Variants in LRRC17 observed in about 807,000 individuals in gnomAD.
LRRC17 encodes the protein leucine-rich repeat-containing protein 17.
Under a neutral mutation model 41.5 loss-of-function variants are expected in LRRC17, and 33 were observed. The observed-to-expected ratio is 0.80, with a 90% CI of 0.60 to 1.06. LRRC17 has a LOEUF of 1.06. Ranked by LOEUF, LRRC17 falls within the 50% of genes least tolerant of loss-of-function variation. LRRC17 has a pLI of 0.00. For synonymous variants in LRRC17, 192 were observed against 197.0 expected (o/e 0.97, Z 0.21); for missense variants, 491 against 519.3 (o/e 0.95, Z 0.53).
At chr7:102,922,372 G>T (rs1817222515) in intron 1 of LRRC17, among the ~76,000 whole-genome samples, 1 of 151,898 alleles carries the variant, frequency 6.6e-6, no homozygotes, top group Non-Finnish European at 1.5e-5. Flanking sequence ...TAAAAGGAAA[G>T]AAATCAAATC....
In LRRC17 at chr7:102,944,322, C is replaced by T. The variant is rs1822049781; in HGVS notation, c.1041C>T (p.Leu347=). ...EDLYFLKLLW[L]RDNPWRCDYN... is the part of the protein sequence containing the mutation. Reference sequence around the variant, plus strand: ...TGTATTTTTTGAAACTCTTGTGGCTCAGAGATAACCCTTGGAGATGTGACT... The same window carrying T: ...TGTATTTTTTGAAACTCTTGTGGCTTAGAGATAACCCTTGGAGATGTGACT... The change falls in exon 4 of 4, where the codon CTC becomes CTT. Residue 347 remains leucine, a synonymous_variant. Transcript: ENST00000339431. 1 of 1,614,046 alleles carries T rather than the reference C, an allele frequency of 6.2e-7. No homozygotes were observed. Among genetic ancestry groups the T allele is most frequent in the Non-Finnish European group, 8.5e-7 (1 of 1,179,968 alleles).
chr7:102,931,383 G>A (rs1819142209), intron 1 of LRRC17, among the ~76,000 whole-genome samples: 2 of 149,260 alleles, frequency 1.3e-5, no homozygotes, highest in Non-Finnish European at 3.0e-5. Context: ...TGTGTAGCTG[G>A]TGGAAGATGA....
chr7:102,933,716 AG>A (rs1819670362), intron 1 of LRRC17, 57 bp from the exon 2 acceptor site: 1 of 485,200 alleles, frequency 2.1e-6, no homozygotes, highest in Admixed American at 3.7e-5. Flanking sequence ...CTTATCTGTC[AG>A]TAATACAGTG....
At chr7:102,919,180 T>A (rs1178988815) in intron 1 of LRRC17, among the ~76,000 whole-genome samples, 1 of 152,184 alleles carries the variant, frequency 6.6e-6, no homozygotes, top group Non-Finnish European at 1.5e-5. Context: ...CAGAAATCAG[T>A]AAACACTAGG....
chr7:102,913,087 TG>T lies in LRRC17; in HGVS notation c.-196del, dbSNP rs764600570. On this transcript the variant is annotated 5_prime_UTR_variant, in exon 1 of 4. An upstream open reading frame in the 5' UTR loses its in-frame stop. Transcript: ENST00000339431. ...CAAAGAGAAGACTGAAAGACAAACC[TG>T]GGTGCAGCCAGAGAGGTCCAGATAG... 1 of 1,614,084 alleles carries T rather than the reference TG, an allele frequency of 6.2e-7. No individual in the cohort carries two copies. The highest frequency in any genetic ancestry group is 8.5e-7 in the Non-Finnish European group (1 of 1,179,986).
chr7:102,931,583 C>T (rs1420321834), intron 1 of LRRC17, among the ~76,000 whole-genome samples: 4 of 152,150 alleles, frequency 2.6e-5, no homozygotes, highest in Admixed American at 2.0e-4. Context: ...ATCATGTCTA[C>T]TGGGGCCCAA....
chr7:102,937,046 C>A (rs78533620), intron 2 of LRRC17, among the ~76,000 whole-genome samples: 2 of 152,068 alleles, frequency 1.3e-5, no homozygotes, highest in African/African-American at 4.8e-5. Context: ...AAATTCATAC[C>A]CCCTGCTTTA....
intron 1 of LRRC17, among the ~76,000 whole-genome samples, chr7:102,916,854 C>T (rs965988765): frequency 6.6e-6 from 1 of 151,572 alleles, no homozygotes; most frequent in East Asian, 1.9e-4. Context: ...CCACTATAAT[C>T]TTTAGAGAAA....
At chr7:102,926,979 C>CA (rs773139432) in intron 1 of LRRC17, among the ~76,000 whole-genome samples, 24 of 152,176 alleles carry the variant, frequency 1.6e-4, no homozygotes, top group Admixed American at 2.6e-4. Flanking sequence ...GCAGGAGATT[C>CA]AATGCTGGGA....
intron 1 of LRRC17, among the ~76,000 whole-genome samples, chr7:102,925,793 T>C (rs1164282008): frequency 6.6e-6 from 1 of 151,530 alleles, no homozygotes; most frequent in Non-Finnish European, 1.5e-5. Flanking sequence ...AATACAAAAA[T>C]AGCCAGGCGT....
intron 1 of LRRC17, among the ~76,000 whole-genome samples, chr7:102,914,010 G>A (rs540738402): frequency 5.9e-5 from 9 of 152,228 alleles, no homozygotes; most frequent in African/African-American, 1.7e-4. Context: ...ACTACCATAC[G>A]AGGGCTCGCA....
chr7:102,932,888 C>T (rs1819493633), intron 1 of LRRC17, among the ~76,000 whole-genome samples: 1 of 152,172 alleles, frequency 6.6e-6, no homozygotes, highest in Admixed American at 6.5e-5. Flanking sequence ...AGCCACCGCA[C>T]CTGGCCAGAA....
chr7:102,943,659 A>G (rs1241280798), intron 3 of LRRC17, among the ~76,000 whole-genome samples: 3 of 152,316 alleles, frequency 2.0e-5, no homozygotes, highest in Non-Finnish European at 4.4e-5. Context: ...CACCCATTAC[A>G]GGAATCTCAT....
In LRRC17 at chr7:102,934,437, T is replaced by C; in HGVS notation, c.524T>C (p.Ile175Thr). The part of the protein sequence containing the change: ...WHCTCEIETL[I>T]SMLQIPRNRN... ...TGTACTTGTGAGATAGAAACGCTTA[T>C]TTCAATGTTGCAGATTCCCAGGAAC... The change falls in exon 2 of 4, where the codon ATT (isoleucine) becomes ACT (threonine). Residue 175 changes from isoleucine to threonine, a missense_variant. Coordinates refer to ENST00000339431, the MANE Select transcript of LRRC17 (RefSeq NM_001031692.3). The C allele has an allele frequency of 6.2e-7, 1 of 1,614,210 alleles. No individual in the cohort carries two copies. The highest frequency in any genetic ancestry group is 8.5e-7 in the Non-Finnish European group (1 of 1,180,036).
rs76209062 is a variant in LRRC17 at position 102,932,003 on chromosome 7, C to T, written c.-140-1771C>T. On this transcript the variant is annotated intron_variant, in intron 1 of 3. Coordinates refer to ENST00000339431, the MANE Select transcript of LRRC17 (RefSeq NM_001031692.3). ...GTTTAAACAAAGTTTTTCTATCTTA[C>T]ATTGAATGCAATGTATTCATTAGAA... 7.4e-4 allele frequency: 1,024 copies of T among 1,389,166 alleles called. 6 individuals carry two copies. The African/African-American group carries it at 0.014, about 19-fold the overall frequency. The allele number at this position is 1,389,166 out of a possible 1,614,324, so 86.1% of individuals were successfully genotyped here.
Position 102,913,080 on chromosome 7 carries a change from AC to A in LRRC17, c.-205del. The A allele has an allele frequency of 6.2e-7, 1 of 1,614,154 alleles. No individual in the cohort carries two copies. The highest frequency in any genetic ancestry group is 8.5e-7 in the Non-Finnish European group (1 of 1,180,012). ...ACCGCAGCAAAGAGAAGACTGAAAG[AC>A]AAACCTGGGTGCAGCCAGAGAGGTC... On this transcript the variant is annotated 5_prime_UTR_variant, in exon 1 of 4. It removes the in-frame stop codon of an upstream open reading frame in the 5' UTR. Coordinates refer to ENST00000339431, the MANE Select transcript of LRRC17 (RefSeq NM_001031692.3).
chr7:102,924,958 C>G (rs943688319), intron 1 of LRRC17, among the ~76,000 whole-genome samples: 1 of 152,062 alleles, frequency 6.6e-6, no homozygotes, highest in African/African-American at 2.4e-5. Context: ...GTCTCATCAC[C>G]GTTATTTTTC....
At chr7:102,920,510 C>G (rs1816768569) in intron 1 of LRRC17, among the ~76,000 whole-genome samples, 2 of 151,980 alleles carry the variant, frequency 1.3e-5, no homozygotes. Flanking sequence ...CCACCACACC[C>G]AACTAATTTT....
At chr7:102,917,846 C>A (rs1341608365) in intron 1 of LRRC17, among the ~76,000 whole-genome samples, 1 of 151,964 alleles carries the variant, frequency 6.6e-6, no homozygotes, top group Non-Finnish European at 1.5e-5. Flanking sequence ...TAGGTTGTGA[C>A]AATAGGAATA....
Sources: allele counts gnomAD v4.1 joint callset (sites outside exome capture counted in the v4.1 genomes callset), GRCh38; gene constraint gnomAD v4.1.1; transcripts MANE v1.5; gene names NCBI Gene and HGNC (gene_info 2026-07-23, HGNC 2026-07-21).